ST6GALNAC1: variants seen among roughly 807,000 people sequenced by gnomAD.
ST6GALNAC1 encodes the protein alpha-N-acetylgalactosaminide alpha-2,6-sialyltransferase 1.
Under a neutral mutation model 56.8 loss-of-function variants are expected in ST6GALNAC1, and 45 were observed. The ratio of observed to expected loss-of-function variants is 0.79; its 90% CI spans 0.62 to 1.02. The LOEUF is 1.02. Among genes scored for constraint, ST6GALNAC1 ranks in the 50% least tolerant of loss-of-function variants. The probability of loss-of-function intolerance (pLI) is 0.00; values close to 1 mark genes in which losing one functional copy is unlikely to be tolerated. For missense variants in ST6GALNAC1, 743 were observed against 754.8 expected, an observed-to-expected ratio of 0.98 and a Z score of 0.18; for synonymous variants, 295 against 297.8, an observed-to-expected ratio of 0.99 and a Z score of 0.10.
At chr17:76,634,606 C>A (rs148161336) in intron 1 of ST6GALNAC1, among the ~76,000 whole-genome samples, 1 of 145,442 alleles carries the variant, frequency 6.9e-6, no homozygotes, top group African/African-American at 2.6e-5. Flanking sequence ...AGGCGTGGTG[C>A]CTCACGCCTG....
intron 1 of ST6GALNAC1, among the ~76,000 whole-genome samples, chr17:76,636,982 C>A (rs1321772699): frequency 1.3e-5 from 2 of 152,090 alleles, no homozygotes; most frequent in Non-Finnish European, 2.9e-5. Flanking sequence ...CAACCCCGTG[C>A]TCTCTGAAAC....
At chr17:76,640,029 T>G (rs1290340046) in intron 1 of ST6GALNAC1, among the ~76,000 whole-genome samples, 1 of 152,110 alleles carries the variant, frequency 6.6e-6, no homozygotes, top group Non-Finnish European at 1.5e-5. Flanking sequence ...TGCACATTAG[T>G]AAATGTGGTT....
intron 1 of ST6GALNAC1, among the ~76,000 whole-genome samples, chr17:76,631,928 A>G (rs1258696307): frequency 6.6e-6 from 1 of 152,166 alleles, no homozygotes; most frequent in Non-Finnish European, 1.5e-5. Flanking sequence ...ACAGAGTGAG[A>G]AACCTGAGTG....
chr17:76,621,635 C>A (rs2075742114), downstream of ST6GALNAC1, among the ~76,000 whole-genome samples: 1 of 152,072 alleles, frequency 6.6e-6, no homozygotes, highest in Admixed American at 6.5e-5. Context: ...ACCACCACAC[C>A]CGGCTAATTT....
Position 76,625,224 on chromosome 17 carries a change from C to G in ST6GALNAC1, c.*106G>C. ...GTGTTCCCTTGGAACTCCTGAAGGG[C>G]TTGGAGCTTAGTCTGAGCCATGGGA... On this transcript the variant is annotated 3_prime_UTR_variant, in exon 9 of 9. Coordinates refer to ENST00000156626, the MANE Select transcript of ST6GALNAC1 (RefSeq NM_018414.5). 1.6e-6 allele frequency: 2 copies of G among 1,240,178 alleles called. No individual in the cohort carries two copies. The highest frequency in any genetic ancestry group is 2.3e-6 in the Non-Finnish European group (2 of 888,712). 76.8% of individuals were successfully genotyped at this position (1,240,178 alleles called of 1,614,324 possible). A position where few individuals can be genotyped will look rare whatever the true frequency, so the allele number is the denominator to read the frequency against.
intron 1 of ST6GALNAC1, among the ~76,000 whole-genome samples, chr17:76,635,405 T>C (rs1421733464): frequency 1.3e-5 from 2 of 152,172 alleles, no homozygotes; most frequent in Non-Finnish European, 2.9e-5. Flanking sequence ...TTTGGGAGGC[T>C]GAAGCAGGCG....
chr17:76,625,717 G>C, intron 8 of ST6GALNAC1, 102 bp downstream of exon 8: 1 of 1,200,818 alleles, frequency 8.3e-7, no homozygotes, highest in Non-Finnish European at 1.2e-6. Context: ...TTTCCCAGCA[G>C]ATGTGGGCAC....
At chr17:76,619,645 GT>G in the ST6GALNAC1 span, among the ~76,000 whole-genome samples, 2 of 149,928 alleles carry the variant, frequency 1.3e-5, no homozygotes, top group African/African-American at 4.9e-5. Flanking sequence ...AGAGTTCAAT[GT>G]TTGTTATCCT....
At chr17:76,634,838 C>T (rs564350935) in intron 1 of ST6GALNAC1, among the ~76,000 whole-genome samples, 46 of 152,100 alleles carry the variant, frequency 3.0e-4, no homozygotes, top group African/African-American at 1.0e-3. Flanking sequence ...GAGCTGAGAT[C>T]GTACCACTGC....
At position 76,626,762 on chromosome 17, in the gene ST6GALNAC1, G is replaced by A. The variant is rs751722266; in HGVS notation, c.1200C>T (p.Tyr400=). ...FRLSGALIKG[Y]EQDVGTRTSF... ...ATGTCCGAGTCCCCACATCCTGTTC[G>A]TAGCCTTTAATGAGAGCTCCGCTCA... Residue 400 remains tyrosine (Y), a synonymous_variant, in exon 5 of 9, where the codon TAC becomes TAT. Transcript: ENST00000156626. 22 of 1,614,102 alleles carry A rather than the reference G, an allele frequency of 1.4e-5. No individual in the cohort carries two copies. In the Middle Eastern group the frequency reaches 4.9e-4, roughly 36 times the overall value.
the ST6GALNAC1 span, among the ~76,000 whole-genome samples, chr17:76,617,767 T>A: frequency 6.8e-6 from 1 of 147,350 alleles, no homozygotes; most frequent in Non-Finnish European, 1.5e-5. Context: ...CAAGACTCTG[T>A]CTCAAAAAAA....
At chr17:76,639,638 A>ACACAC (rs2076020185) in intron 1 of ST6GALNAC1, among the ~76,000 whole-genome samples, 1 of 125,170 alleles carries the variant, frequency 8.0e-6, no homozygotes, top group Non-Finnish European at 1.6e-5. Context: ...TTACATGATA[A>ACACAC]ACACACACAC....
At chr17:76,625,711 C>T in intron 8 of ST6GALNAC1, 108 bp downstream of exon 8, 1 of 1,186,686 alleles carries the variant, frequency 8.4e-7, no homozygotes, top group Non-Finnish European at 1.2e-6. Flanking sequence ...ACCCTCTTTC[C>T]CAGCAGATGT....
At chr17:76,624,395 G>A (rs963378938), downstream of ST6GALNAC1, among the ~76,000 whole-genome samples, 6 of 152,066 alleles carry the variant, frequency 3.9e-5, no homozygotes, top group East Asian at 1.2e-3. Context: ...GATTACAGGC[G>A]CCCGCCACCA....
intron 1 of ST6GALNAC1, among the ~76,000 whole-genome samples, chr17:76,640,211 C>T (rs1341921647): frequency 6.6e-6 from 1 of 152,046 alleles, no homozygotes; most frequent in Non-Finnish European, 1.5e-5. Context: ...CTGGTCTCTG[C>T]CCTCCCACCG....
chr17:76,624,031 G>A (rs945184887), downstream of ST6GALNAC1, among the ~76,000 whole-genome samples: 1 of 152,162 alleles, frequency 6.6e-6, no homozygotes, highest in African/African-American at 2.4e-5. Flanking sequence ...CTGGGGTGCC[G>A]CGGAGGACAG....
chr17:76,635,943 G>T (rs1337849640), intron 1 of ST6GALNAC1, among the ~76,000 whole-genome samples: 1 of 152,188 alleles, frequency 6.6e-6, no homozygotes, highest in Non-Finnish European at 1.5e-5. Flanking sequence ...AGGCAGTTCT[G>T]CTCGGGGGGA....
chr17:76,639,171 C>A (rs993121190), intron 1 of ST6GALNAC1, among the ~76,000 whole-genome samples: 10 of 152,184 alleles, frequency 6.6e-5, no homozygotes, highest in Non-Finnish European at 1.3e-4. Context: ...AAAGTTTAAA[C>A]GTTTTGGCCT....
Position 76,625,348 on chromosome 17 carries a change from A to C in ST6GALNAC1, c.1785T>G (p.Thr595=). 6.2e-7 allele frequency: 1 copy of C among 1,613,514 alleles called. No homozygotes were observed. Among genetic ancestry groups the C allele is most frequent in the Non-Finnish European group, 8.5e-7 (1 of 1,179,982 alleles). The change falls in exon 9 of 9, where the codon ACT becomes ACG. Residue 595 remains threonine (T), a synonymous_variant. Transcript: ENST00000156626. ...GCCCCGGTCAGTTCTTGGCTTTGGC[A>C]GTTCCGGGACCAGGACGCTGGTACA... ...IRLYQRPGPG[T]AKAKN
Sources: allele counts gnomAD v4.1 joint callset (sites outside exome capture counted in the v4.1 genomes callset), GRCh38; gene constraint gnomAD v4.1.1; transcripts MANE v1.5; gene names NCBI Gene and HGNC (gene_info 2026-07-23, HGNC 2026-07-21).